RALGPS1: variants seen among roughly 807,000 people sequenced by gnomAD.
The protein encoded by RALGPS1 is Ral GEF with PH domain and SH3 binding motif 1.
Under a neutral mutation model 78.8 loss-of-function variants are expected in RALGPS1, and 19 were observed. That is an observed-to-expected ratio of 0.24 (90% CI 0.17 to 0.35). RALGPS1 has a LOEUF of 0.35. Ranked by LOEUF, RALGPS1 falls within the 10% of genes least tolerant of loss-of-function variation. The probability of loss-of-function intolerance (pLI) is 1.00; values close to 1 mark genes in which losing one functional copy is unlikely to be tolerated. For synonymous variants in RALGPS1, 228 were observed against 256.3 expected (o/e 0.89, Z 1.06); for missense variants, 454 against 688.3 (o/e 0.66, Z 3.81).
At chr9:127,062,191 AG>A (rs2049274136) in intron 7 of RALGPS1, among the ~76,000 whole-genome samples, 1 of 151,992 alleles carries the variant, frequency 6.6e-6, no homozygotes, top group Non-Finnish European at 1.5e-5. Flanking sequence ...TCCGCCTCCC[AG>A]GTTCACACCA....
At chr9:127,037,525 TAAC>T (rs2046962828) in intron 5 of RALGPS1, among the ~76,000 whole-genome samples, 1 of 152,222 alleles carries the variant, frequency 6.6e-6, no homozygotes, top group East Asian at 1.9e-4. Flanking sequence ...TTATGTATAA[TAAC>T]TAAATCTAGG....
Position 127,056,644 on chromosome 9 carries a change from C to T in RALGPS1, c.483+3705C>T, listed in dbSNP as rs183120355. Among the ~76,000 whole-genome samples the T allele has an allele frequency of 1.7e-3, 261 of 152,308 alleles. 5 individuals are homozygous for T. The highest frequency in any genetic ancestry group is 0.014 in the Admixed American group (213 of 15,296). On this transcript the variant is annotated intron_variant, in intron 7 of 18. Coordinates refer to ENST00000259351, the MANE Select transcript of RALGPS1 (RefSeq NM_014636.3). ...CTCCACTGTCTGTATTCTTGATGCACCTGTCTGGTAACAGCACGCAGGGTG... is the reference window on the plus strand; with the variant it reads ...CTCCACTGTCTGTATTCTTGATGCATCTGTCTGGTAACAGCACGCAGGGTG...
At chr9:126,977,283 A>T in intron 3 of RALGPS1, among the ~76,000 whole-genome samples, 1 of 152,358 alleles carries the variant, frequency 6.6e-6, no homozygotes, top group South Asian at 2.1e-4. Flanking sequence ...AACTTAATTT[A>T]TAGTAATAGT....
At chr9:127,188,913 T>C (rs1037161754) in intron 11 of RALGPS1, among the ~76,000 whole-genome samples, 15 of 129,016 alleles carry the variant, frequency 1.2e-4, no homozygotes, top group African/African-American at 4.1e-4. Context: ...GGCATGAGAA[T>C]CACCTGAATG....
rs148959612 is a variant in RALGPS1 at position 127,101,865 on chromosome 9, T to C, written c.610+32509T>C. Among the ~76,000 whole-genome samples the C allele has an allele frequency of 3.2e-3, 492 of 152,328 alleles. 12 individuals carry two copies. The South Asian group carries it at 0.039, about 12-fold the overall frequency. The stretch of plus-strand genomic sequence containing the variant: ...AGATTTTTCTCTGTGTGTATAGTAG[T>C]TTTGACTTACTGTATTCAAAAATAT... On this transcript the variant is annotated intron_variant, in intron 8 of 18. Transcript: ENST00000259351.
rs201760526 is a variant in RALGPS1 at position 126,948,946 on chromosome 9, C to G, written c.-65-13279C>G. ...TCGTCATTTAGCATTAGGTATATCTCCTAATGCTATCCCTCCCCCCTACCC... is the reference window on the plus strand; with the variant it reads ...TCGTCATTTAGCATTAGGTATATCTGCTAATGCTATCCCTCCCCCCTACCC... On this transcript the variant is annotated intron_variant, in intron 1 of 18. Coordinates refer to ENST00000259351, the MANE Select transcript of RALGPS1 (RefSeq NM_014636.3). Among the ~76,000 whole-genome samples the G allele has an allele frequency of 8.0e-4, 122 of 152,148 alleles. 1 individual carries two copies. In the East Asian group the frequency reaches 0.022, roughly 27 times the overall value.
chr9:126,921,178 C>T (rs923427586), intron 1 of RALGPS1, among the ~76,000 whole-genome samples: 3 of 152,132 alleles, frequency 2.0e-5, no homozygotes, highest in East Asian at 1.9e-4. Context: ...GTGATAGTGT[C>T]GTGGTCATGA....
intron 8 of RALGPS1, among the ~76,000 whole-genome samples, chr9:127,130,246 C>T (rs2056913555): frequency 1.3e-5 from 2 of 152,226 alleles, no homozygotes; most frequent in South Asian, 4.1e-4. Flanking sequence ...ATATCACCTT[C>T]CCAAGATGGC....
chr9:127,131,418 G>A (rs761607170), intron 8 of RALGPS1, among the ~76,000 whole-genome samples: 13 of 152,152 alleles, frequency 8.5e-5, no homozygotes, highest in East Asian at 1.9e-4. Context: ...GCCAACAGCC[G>A]CCATCTGTTA....
chr9:127,168,770 CAAGT>C lies in RALGPS1; in HGVS notation c.842+3_842+6del. ...AGAAGTTTGTGGAAGACGACAACTA[CAAGT>C]AAGTCCCCACGTATTCCTGTGTCAG... On this transcript the variant is annotated splice_donor_variant and coding_sequence_variant, in exon 10 of 19. Coordinates refer to ENST00000259351, the MANE Select transcript of RALGPS1 (RefSeq NM_014636.3). LOFTEE classifies it high-confidence loss of function. The C allele has an allele frequency of 6.2e-7, 1 of 1,602,200 alleles. No homozygotes were observed.
At chr9:126,992,600 T>A (rs1185391427) in intron 4 of RALGPS1, among the ~76,000 whole-genome samples, 1 of 152,186 alleles carries the variant, frequency 6.6e-6, no homozygotes, top group Non-Finnish European at 1.5e-5. Context: ...GTAGATCCAT[T>A]TGGGGAGAAT....
In RALGPS1 at chr9:127,211,892, A is replaced by T. The variant is rs2062282290; in HGVS notation, c.1248-239A>T. Among the ~76,000 whole-genome samples, 1 of 152,246 alleles carries T rather than the reference A, an allele frequency of 6.6e-6. No homozygotes were observed. Among genetic ancestry groups the T allele is most frequent in the Non-Finnish European group, 1.5e-5 (1 of 68,008 alleles). ...CTGATCAGGGCCTGGGTTATGAGGA[A>T]CTTGGTCACCAAGCCTGGAGCTTTG... is the stretch of plus-strand genomic sequence containing the variant. On this transcript the variant is annotated intron_variant, in intron 14 of 18. Coordinates refer to ENST00000259351, the MANE Select transcript of RALGPS1 (RefSeq NM_014636.3). This position sits in a 1 kb window ranked among gnomAD's most constrained non-coding sequence, Gnocchi z 5.0.
intron 3 of RALGPS1, 70 bp downstream of exon 3, chr9:126,966,021 G>A: frequency 8.7e-7 from 1 of 1,144,592 alleles, no homozygotes; most frequent in Non-Finnish European, 1.3e-6. Context: ...CACCACTTAG[G>A]CTTTGGGCTC....
Position 127,107,909 on chromosome 9 carries a change from A to T in RALGPS1, c.610+38553A>T, listed in dbSNP as rs1215375991. The T allele has an allele frequency of 3.9e-6, 6 of 1,526,178 alleles. No individual in the cohort carries two copies. In the Admixed American group the frequency reaches 1.0e-4, roughly 26 times the overall value. 94.5% of individuals were successfully genotyped at this position (1,526,178 alleles called of 1,614,324 possible). A position where few individuals can be genotyped will look rare whatever the true frequency, so the allele number is the denominator to read the frequency against. On this transcript the variant is annotated intron_variant, in intron 8 of 18. Coordinates refer to ENST00000259351, the MANE Select transcript of RALGPS1 (RefSeq NM_014636.3). Reference sequence around the variant, plus strand: ...CCACATGTAACACGATCCCAGAAGCACTTACCCGACGGCTTGTCGGTGGAA... The same window carrying T: ...CCACATGTAACACGATCCCAGAAGCTCTTACCCGACGGCTTGTCGGTGGAA...
chr9:127,213,321 CT>C (rs2062389065), intron 17 of RALGPS1, among the ~76,000 whole-genome samples: 1 of 152,166 alleles, frequency 6.6e-6, no homozygotes, highest in Admixed American at 6.5e-5. Flanking sequence ...GAGCTGTAGT[CT>C]TACGGTCTTG....
intron 14 of RALGPS1, among the ~76,000 whole-genome samples, chr9:127,201,078 G>T (rs529458044): frequency 1.3e-5 from 2 of 152,216 alleles, no homozygotes; most frequent in South Asian, 4.1e-4. Flanking sequence ...AGGAAGGAGG[G>T]TGGTGAGAAA....
intron 8 of RALGPS1, among the ~76,000 whole-genome samples, chr9:127,139,055 A>G (rs1415924658): frequency 6.6e-6 from 1 of 152,086 alleles, no homozygotes; most frequent in Non-Finnish European, 1.5e-5. Flanking sequence ...TGGCCCCTGC[A>G]CCTCAGCTCT....
chr9:126,995,293 G>C (rs1020997813), intron 4 of RALGPS1, among the ~76,000 whole-genome samples: 1 of 151,994 alleles, frequency 6.6e-6, no homozygotes, highest in Admixed American at 6.6e-5. Context: ...CCCATCTCAT[G>C]TGCAGAGACA....
rs553966854 is a variant in RALGPS1 at position 127,134,010 on chromosome 9, C to CG, written c.611-32059_611-32058insG. 4.5e-3 allele frequency among the ~76,000 whole-genome samples: 677 copies of CG among 151,126 alleles called. 3 individuals are homozygous for CG. The highest frequency in any genetic ancestry group is 0.014 in the Middle Eastern group (4 of 294). On this transcript the variant is annotated intron_variant, in intron 8 of 18. Coordinates refer to ENST00000259351, the MANE Select transcript of RALGPS1 (RefSeq NM_014636.3). ...AGTAAATGCTCTTGTCCTCGCTCCC[C>CG]CCCCCGTGAATGCTGTGATTCAGCA...
Sources: allele counts gnomAD v4.1 joint callset (sites outside exome capture counted in the v4.1 genomes callset), GRCh38; gene constraint gnomAD v4.1.1; non-coding constraint Gnocchi (gnomAD v3.1); transcripts MANE v1.5; gene names NCBI Gene and HGNC (gene_info 2026-07-23, HGNC 2026-07-21).